Variants in RBFOX2 observed in about 807,000 individuals in gnomAD.
The protein encoded by RBFOX2 is RNA binding fox-1 homolog 2, also known as RNA binding protein fox-1 homolog 2.
Under a neutral mutation model 49.1 loss-of-function variants are expected in RBFOX2, and 10 were observed. That is an observed-to-expected ratio of 0.20 (90% CI 0.13 to 0.35). RBFOX2 has a LOEUF of 0.35. Among genes scored for constraint, RBFOX2 ranks in the 10% least tolerant of loss-of-function variants. RBFOX2 has a pLI of 1.00. For missense variants in RBFOX2, 323 were observed against 486.9 expected (o/e 0.66, Z 3.17); for synonymous variants, 183 against 187.4 (o/e 0.98, Z 0.19).
At chr22:35,951,115 A>G (rs1371688387) in intron 1 of RBFOX2, among the ~76,000 whole-genome samples, 4 of 144,854 alleles carry the variant, frequency 2.8e-5, no homozygotes, top group East Asian at 2.1e-4. Flanking sequence ...CACCACGCCC[A>G]GCTAAATTTT....
intron 9 of RBFOX2, among the ~76,000 whole-genome samples, chr22:35,757,522 A>G (rs1192173471): frequency 3.9e-5 from 6 of 152,356 alleles, no homozygotes; most frequent in East Asian, 3.9e-4. Flanking sequence ...AAGTAAAGTC[A>G]TCAAATCATA....
upstream of RBFOX2, among the ~76,000 whole-genome samples, chr22:35,940,677 GA>G (rs1411166617): frequency 1.3e-5 from 2 of 151,920 alleles, no homozygotes; most frequent in Admixed American, 1.3e-4. Context: ...CCAAACAGCA[GA>G]AAAAAACCAA....
At chr22:35,987,894 G>C (rs895291975) in intron 1 of RBFOX2, among the ~76,000 whole-genome samples, 12 of 152,166 alleles carry the variant, frequency 7.9e-5, no homozygotes, top group African/African-American at 2.9e-4. Context: ...GAACAATAAA[G>C]CCACTGTTGA....
At chr22:35,883,610 T>C (rs2046205329) in intron 1 of RBFOX2, among the ~76,000 whole-genome samples, 1 of 152,190 alleles carries the variant, frequency 6.6e-6, no homozygotes. Flanking sequence ...TCTGGCTCCT[T>C]TTTTAACAGT....
intron 2 of RBFOX2, among the ~76,000 whole-genome samples, chr22:35,794,257 C>T (rs1948339144): frequency 6.6e-6 from 1 of 151,942 alleles, no homozygotes; most frequent in African/African-American, 2.4e-5. Context: ...GAAAAAAGCA[C>T]TTGACTGACA....
upstream of RBFOX2, among the ~76,000 whole-genome samples, chr22:35,942,405 C>G (rs926283981): frequency 6.6e-6 from 1 of 152,034 alleles, no homozygotes; most frequent in African/African-American, 2.4e-5. Flanking sequence ...AACTTCACAT[C>G]TCTATCTAGA....
chr22:35,744,401 A>G, intron 11 of RBFOX2, 152 bp from the exon 14 acceptor site: 1 of 656,766 alleles, frequency 1.5e-6, no homozygotes, highest in Non-Finnish European at 2.4e-6. Flanking sequence ...AAGTCAGGAA[A>G]CCAACTTCTG....
At chr22:35,849,803 T>G (rs2041695974) in intron 1 of RBFOX2, among the ~76,000 whole-genome samples, 1 of 152,142 alleles carries the variant, frequency 6.6e-6, no homozygotes, top group Middle Eastern at 3.2e-3. Flanking sequence ...AGACCAGGCC[T>G]CCACCCCAAC....
intron 2 of RBFOX2, among the ~76,000 whole-genome samples, chr22:35,786,402 A>AT (rs1946397809): frequency 6.6e-6 from 1 of 152,240 alleles, no homozygotes; most frequent in African/African-American, 2.4e-5. Flanking sequence ...ATCTAATGCA[A>AT]TTTTTAAATT....
At chr22:35,999,718 A>G (rs1005332551) in intron 1 of RBFOX2, 1 of 152,094 alleles carries the variant, frequency 6.6e-6, no homozygotes, top group African/African-American at 2.4e-5. Context: ...GCCCATGTTC[A>G]TGGGGGAAAA....
intron 5 of RBFOX2, among the ~76,000 whole-genome samples, chr22:35,767,626 C>T (rs1333980125): frequency 2.0e-5 from 3 of 152,164 alleles, no homozygotes; most frequent in South Asian, 2.1e-4. Flanking sequence ...ACAGTACATT[C>T]GCCAGCCAGC....
chr22:35,805,486 G>A (rs938751647), intron 2 of RBFOX2, among the ~76,000 whole-genome samples: 4 of 152,036 alleles, frequency 2.6e-5, no homozygotes, highest in African/African-American at 7.2e-5. Flanking sequence ...AAATGCTGGC[G>A]AGGATGTGGA....
At chr22:35,811,431 G>A (rs778976529) in intron 1 of RBFOX2, among the ~76,000 whole-genome samples, 50 of 152,104 alleles carry the variant, frequency 3.3e-4, no homozygotes, top group Non-Finnish European at 5.6e-4. Flanking sequence ...ACAGAGGGAG[G>A]CCCATGTGAA....
intron 1 of RBFOX2, among the ~76,000 whole-genome samples, chr22:35,885,351 A>C (rs938161046): frequency 6.6e-6 from 1 of 152,184 alleles, no homozygotes. Flanking sequence ...ACTGTACAAG[A>C]AGCAGAATAA....
At chr22:35,871,169 T>A (rs2044309204) in intron 1 of RBFOX2, among the ~76,000 whole-genome samples, 1 of 152,214 alleles carries the variant, frequency 6.6e-6, no homozygotes, top group Non-Finnish European at 1.5e-5. Flanking sequence ...GAGAGACAGA[T>A]GAATGGAAAC....
chr22:35,877,912 C>G (rs938999715), intron 1 of RBFOX2, among the ~76,000 whole-genome samples: 4 of 151,962 alleles, frequency 2.6e-5, no homozygotes, highest in African/African-American at 9.7e-5. Flanking sequence ...TTATTGAACA[C>G]CATTCATTAT....
At position 35,745,387 on chromosome 22, in the gene RBFOX2, A is replaced by C. The variant is rs527967223; in HGVS notation, c.1049+536T>G. On this transcript the variant is annotated intron_variant, in intron 11 of 11. Coordinates refer to ENST00000405409, the Ensembl canonical transcript of RBFOX2. ...GACTTCTTCGATACTTCTATCAACA[A>C]CACCATATTTTGCCACAATTGTTAT... Among the ~76,000 whole-genome samples, 76 of 152,282 alleles carry C rather than the reference A, an allele frequency of 5.0e-4. 1 individual carries two copies. The highest frequency in any genetic ancestry group is 1.5e-3 in the East Asian group (8 of 5,190).
chr22:35,843,958 C>CA (rs1182763419), upstream of RBFOX2, among the ~76,000 whole-genome samples: 3 of 152,222 alleles, frequency 2.0e-5, no homozygotes, highest in African/African-American at 7.2e-5. Flanking sequence ...TCTATCACTT[C>CA]AGTTACCAAG....
chr22:35,820,263 T>C lies in RBFOX2; in HGVS notation c.28-10259A>G, dbSNP rs537675158. On this transcript the variant is annotated intron_variant, in intron 1 of 11. Coordinates refer to ENST00000405409, the Ensembl canonical transcript of RBFOX2. ...CGGCAAAGGCAAAGGCAGGGAGCCCTGTTGGGAGGCGACCCTGATAATTCA... is the reference window on the plus strand; with the variant it reads ...CGGCAAAGGCAAAGGCAGGGAGCCCCGTTGGGAGGCGACCCTGATAATTCA... Among the ~76,000 whole-genome samples the C allele has an allele frequency of 7.2e-5, 11 of 152,332 alleles. No individual in the cohort carries two copies. The South Asian group carries it at 2.3e-3, about 32-fold the overall frequency.
Sources: gnomAD v4.1 joint callset for allele counts (sites outside exome capture counted in the v4.1 genomes callset) on GRCh38, gnomAD v4.1.1 for gene constraint, MANE v1.5 for transcripts, NCBI Gene and HGNC (gene_info 2026-07-23, HGNC 2026-07-21) for gene names.